Variants in GIT2 observed in about 807,000 individuals in gnomAD.
GIT2 encodes the protein GIT ArfGAP 2, also known as ARF GTPase-activating protein GIT2.
GIT2 carries 32 observed loss-of-function variants against 100.3 expected under a neutral mutation model. The observed-to-expected ratio is 0.32, with a 90% confidence interval of 0.24 to 0.43. The LOEUF (loss-of-function observed/expected upper bound fraction) is 0.43. Among genes scored for constraint, GIT2 ranks in the 20% least tolerant of loss-of-function variants. GIT2 has a pLI of 1.00. For synonymous variants in GIT2, 353 were observed against 364.1 expected, an observed-to-expected ratio of 0.97 and a Z score of 0.35; for missense variants, 737 against 975.1, an observed-to-expected ratio of 0.76 and a Z score of 3.25.
chr12:109,995,947 C>CGGGAGGGAACGAGAG (rs1401675503), intron 1 of GIT2, among the ~76,000 whole-genome samples: 1 of 152,120 alleles, frequency 6.6e-6, no homozygotes, highest in African/African-American at 2.4e-5. Flanking sequence ...ACGGAGGGAA[C>CGGGAGGGAACGAGAG]GGGAGGGAAC....
At chr12:109,978,542 C>T (rs1885625848) in intron 7 of GIT2, among the ~76,000 whole-genome samples, 1 of 152,190 alleles carries the variant, frequency 6.6e-6, no homozygotes, top group Non-Finnish European at 1.5e-5. Flanking sequence ...TCTTCCTACT[C>T]TTTTTTCCTC....
At chr12:109,987,739 A>T (rs1034746788) in intron 4 of GIT2, among the ~76,000 whole-genome samples, 2 of 152,182 alleles carry the variant, frequency 1.3e-5, no homozygotes, top group Non-Finnish European at 2.9e-5. Flanking sequence ...AAGTGCTGGG[A>T]TTACAGGAGT....
At chr12:109,943,942 C>T (rs1387649196) in intron 16 of GIT2, among the ~76,000 whole-genome samples, 2 of 152,162 alleles carry the variant, frequency 1.3e-5, no homozygotes, top group Non-Finnish European at 2.9e-5. Context: ...ATCCACCCGC[C>T]TAGGCCTCCC....
At chr12:109,945,181 G>A in intron 16 of GIT2, 79 bp downstream of exon 16, 1 of 732,374 alleles carries the variant, frequency 1.4e-6, no homozygotes, top group Non-Finnish European at 2.5e-6. Flanking sequence ...GCAGGGACAG[G>A]AGGGCCAGAG....
intron 11 of GIT2, 79 bp from the exon 12 acceptor site, chr12:109,960,037 T>C (rs1022286705): frequency 4.3e-5 from 39 of 903,084 alleles, no homozygotes; most frequent in Non-Finnish European, 6.6e-5. Flanking sequence ...CTAGTCAGAC[T>C]ATTGACAGAC....
At chr12:109,961,417 G>A (rs777217759) in intron 10 of GIT2, 42 bp from the exon 11 acceptor site, 2 of 1,238,140 alleles carry the variant, frequency 1.6e-6, no homozygotes, top group South Asian at 2.4e-5. Flanking sequence ...CATCACGCCT[G>A]TGTGCCACTG....
chr12:109,953,056 C>T (rs776554864), intron 13 of GIT2, 36 bp downstream of exon 13: 7 of 1,608,882 alleles, frequency 4.4e-6, no homozygotes, highest in African/African-American at 4.0e-5. Flanking sequence ...TCAGCTGATG[C>T]GTGCTTGCCC....
chr12:109,965,724 T>C (rs567795232), intron 8 of GIT2, 147 bp from the exon 9 acceptor site: 1 of 764,654 alleles, frequency 1.3e-6, no homozygotes, highest in Non-Finnish European at 2.4e-6. Flanking sequence ...GTAGAGTCAG[T>C]GAGGAGCTCT....
intron 7 of GIT2, among the ~76,000 whole-genome samples, chr12:109,975,151 T>A (rs931841922): frequency 1.3e-5 from 2 of 152,236 alleles, no homozygotes; most frequent in African/African-American, 4.8e-5. Flanking sequence ...TTATTACCTA[T>A]ATTGTTATAT....
At position 109,948,548 on chromosome 12, in the gene GIT2, C is replaced by T. The variant is rs190747676; in HGVS notation, c.1393-1044G>A. The T allele has an allele frequency of 3.6e-5, 48 of 1,351,352 alleles. No individual in the cohort carries two copies. The highest frequency in any genetic ancestry group is 3.1e-4 in the African/African-American group (21 of 67,374). 83.7% of individuals were successfully genotyped at this position (1,351,352 alleles called of 1,614,324 possible). A position where few individuals can be genotyped will look rare whatever the true frequency, so the allele number is the denominator to read the frequency against. On this transcript the variant is annotated intron_variant, in intron 14 of 19. Transcript: ENST00000355312. The surrounding 1 kb of genome is among the most constrained non-coding windows in gnomAD (Gnocchi z 4.3). ...AACACCATTCACCACGTCCATTCTG[C>T]GCAGGGTCCTTCCCTTCTGGTGCGC...
intron 11 of GIT2, among the ~76,000 whole-genome samples, chr12:109,960,163 T>A (rs577251963): frequency 1.3e-5 from 2 of 152,308 alleles, no homozygotes; most frequent in South Asian, 4.1e-4. Context: ...ATAAGAGAAT[T>A]TCATAACAAA....
rs1888492259 is a variant in GIT2 at position 109,992,032 on chromosome 12, G to A, written c.53-272C>T. On this transcript the variant is annotated intron_variant, in intron 1 of 19. Coordinates refer to ENST00000355312, the MANE Select transcript of GIT2 (RefSeq NM_057169.5). ...CAGGGCCACAGTTTGTAGCCCTAAT[G>A]TGGATCTACCATTTCAGATGCATGC... 6 of 331,352 alleles carry A rather than the reference G, an allele frequency of 1.8e-5. 1 individual carries two copies. In the South Asian group the frequency reaches 3.1e-4, roughly 17 times the overall value. 20.5% of individuals were successfully genotyped at this position (331,352 alleles called of 1,614,324 possible). A position where few individuals can be genotyped will look rare whatever the true frequency, so the allele number is the denominator to read the frequency against.
chr12:109,936,008 C>G (rs1443781689), intron 18 of GIT2, among the ~76,000 whole-genome samples: 1 of 152,108 alleles, frequency 6.6e-6, no homozygotes, highest in Non-Finnish European at 1.5e-5. Context: ...AGGAGTGAGG[C>G]TGGAGGCCCA....
intron 12 of GIT2, among the ~76,000 whole-genome samples, chr12:109,955,300 A>AT (rs1470574330): frequency 6.6e-6 from 1 of 151,662 alleles, no homozygotes; most frequent in Non-Finnish European, 1.5e-5. Context: ...ATTTTTTTGT[A>AT]TTTTTTTAGT....
At chr12:109,978,423 C>A (rs1394432207) in intron 7 of GIT2, among the ~76,000 whole-genome samples, 2 of 152,076 alleles carry the variant, frequency 1.3e-5, no homozygotes, top group Admixed American at 1.3e-4. Flanking sequence ...TCTTCAAATA[C>A]GTTTTCTGCA....
chr12:109,965,436 A>G, intron 9 of GIT2, 90 bp downstream of exon 9: 1 of 731,256 alleles, frequency 1.4e-6, no homozygotes, highest in Non-Finnish European at 2.4e-6. Flanking sequence ...TAAAGTCATC[A>G]GACGCAATAG....
rs764025212 is a variant in GIT2 at position 109,933,146 on chromosome 12, C to T, written c.2112G>A (p.Thr704=). ...CTGACTGCAGTCGGTAGGCACTGGA[C>T]GTCAGTAAACGAAGGGAAGTCCTCA... ...DMVRTSLRLL[T]SSAYRLQSEC... The change falls in exon 20 of 20, where the codon ACG becomes ACA. Residue 704 remains threonine (T), a synonymous_variant. Coordinates refer to ENST00000355312, the MANE Select transcript of GIT2 (RefSeq NM_057169.5). This position sits in a 1 kb window ranked among gnomAD's most constrained non-coding sequence, Gnocchi z 4.5. 1.6e-5 allele frequency: 25 copies of T among 1,591,056 alleles called. No homozygotes were observed. The highest frequency in any genetic ancestry group is 7.3e-5 in the Admixed American group (4 of 55,112).
rs1316357244 is a variant in GIT2, at chr12:109,984,189, C to T, written c.406-495G>A. Among the ~76,000 whole-genome samples, 14 of 152,122 alleles carry T rather than the reference C, an allele frequency of 9.2e-5. No individual in the cohort carries two copies. In the East Asian group the frequency reaches 2.7e-3, roughly 30 times the overall value. On this transcript the variant is annotated intron_variant, in intron 4 of 19. Coordinates refer to ENST00000355312, the MANE Select transcript of GIT2 (RefSeq NM_057169.5). ...CTTTGGGGGGCTGAGGTTGGAGGAT[C>T]ACTTGAGCCCAGGGGTTTGAGACCA...
At chr12:109,994,780 A>G (rs1889039536) in intron 1 of GIT2, among the ~76,000 whole-genome samples, 1 of 152,238 alleles carries the variant, frequency 6.6e-6, no homozygotes, top group Non-Finnish European at 1.5e-5. Context: ...AATCAAATAC[A>G]TCACGGTAAG....
Sources: allele counts gnomAD v4.1 joint callset (sites outside exome capture counted in the v4.1 genomes callset), GRCh38; gene constraint gnomAD v4.1.1; non-coding constraint Gnocchi (gnomAD v3.1); transcripts MANE v1.5; gene names NCBI Gene and HGNC (gene_info 2026-07-23, HGNC 2026-07-21).